Variants in POC1B observed in about 807,000 individuals in gnomAD.
POC1B encodes the protein POC1 centriolar protein B.
Under a neutral mutation model 60.6 loss-of-function variants are expected in POC1B, and 44 were observed. That is an observed-to-expected ratio of 0.73 (90% confidence interval 0.57 to 0.93). The LOEUF (loss-of-function observed/expected upper bound fraction) is 0.93. Among genes scored for constraint, POC1B ranks in the 40% least tolerant of loss-of-function variants. The pLI is 0.00. For synonymous variants in POC1B, 180 were observed against 198.9 expected, an observed-to-expected ratio of 0.90 and a Z score of 0.80; for missense variants, 555 against 572.3, an observed-to-expected ratio of 0.97 and a Z score of 0.31.
intron 4 of POC1B, chr12:89,485,258 T>C (rs997344675): frequency 2.0e-5 from 3 of 152,214 alleles, no homozygotes; most frequent in Non-Finnish European, 4.4e-5. Flanking sequence ...CATGGGAAGA[T>C]GCACAAAACA....
Position 89,480,814 on chromosome 12 carries a change from A to G in POC1B, c.453-8539T>C, listed in dbSNP as rs1375536830. Among the ~76,000 whole-genome samples, 5 of 152,068 alleles carry G rather than the reference A, an allele frequency of 3.3e-5. No homozygotes were observed. The East Asian group carries it at 5.8e-4, about 18-fold the overall frequency. The stretch of plus-strand genomic sequence containing the variant: ...ATGGAGTTTCACCATGTTAGCCAGG[A>G]TGGTCTCGATCTCCTGACCTTGTGA... On this transcript the variant is annotated intron_variant, in intron 4 of 11. Transcript: ENST00000313546.
intron 10 of POC1B, among the ~76,000 whole-genome samples, chr12:89,434,406 A>G: frequency 6.6e-6 from 1 of 152,336 alleles, no homozygotes. Context: ...TTTAATCTTT[A>G]TTATAATCTC....
chr12:89,500,147 C>T (rs147013416), intron 2 of POC1B: 7 of 1,572,380 alleles, frequency 4.5e-6, no homozygotes, highest in African/African-American at 1.3e-5. Context: ...AAGATTTTGT[C>T]AACCTTCCAG....
At chr12:89,502,083 A>T (rs140157777) in intron 2 of POC1B, 626 of 1,072,820 alleles carry the variant, frequency 5.8e-4, no homozygotes, top group Non-Finnish European at 8.4e-4. Context: ...AGACCAGTGG[A>T]TATACATGTA....
intron 10 of POC1B, among the ~76,000 whole-genome samples, chr12:89,442,317 G>GT (rs1284559026): frequency 6.6e-6 from 1 of 152,158 alleles, no homozygotes; most frequent in Non-Finnish European, 1.5e-5. Context: ...ATTCACCAAA[G>GT]TTGAAATGAA....
the POC1B span, among the ~76,000 whole-genome samples, chr12:89,404,802 A>C: frequency 6.6e-6 from 1 of 152,204 alleles, no homozygotes; most frequent in African/African-American, 2.4e-5. Flanking sequence ...CCAGGAACCC[A>C]CAAGAAACTA....
chr12:89,423,712 G>A (rs905825901), intron 11 of POC1B, among the ~76,000 whole-genome samples: 10 of 152,250 alleles, frequency 6.6e-5, no homozygotes, highest in African/African-American at 1.9e-4. Flanking sequence ...AGTGTGTTGT[G>A]CCTGCTTCTA....
At chr12:89,486,948 C>A (rs1333382483) in intron 4 of POC1B, among the ~76,000 whole-genome samples, 1 of 152,108 alleles carries the variant, frequency 6.6e-6, no homozygotes, top group Non-Finnish European at 1.5e-5. Context: ...CACATACACA[C>A]ACTCTCTATA....
chr12:89,471,659 TCA>T lies in POC1B; in HGVS notation c.629_630del (p.Val210GlufsTer22). 3 of 1,611,902 alleles carry T rather than the reference TCA, an allele frequency of 1.9e-6. No homozygotes were observed. The highest frequency in any genetic ancestry group is 2.5e-6 in the Non-Finnish European group (3 of 1,179,000). On this transcript the variant is annotated frameshift_variant, in exon 6 of 12. Transcript: ENST00000313546. LOFTEE classifies it high-confidence loss of function. ...CIASAGSDQT[V>X]KVWDVRVNKL... ...TTGTTCACTCTTACATCCCAGACTT[TCA>T]CAGTTTGATCAGAACCTGCTGAAGC...
At chr12:89,456,585 A>G (rs1301912935) in intron 10 of POC1B, among the ~76,000 whole-genome samples, 2 of 152,234 alleles carry the variant, frequency 1.3e-5, no homozygotes, top group Non-Finnish European at 1.5e-5. Flanking sequence ...AGAGTAAGGA[A>G]TTTGAGAACA....
downstream of POC1B, among the ~76,000 whole-genome samples, chr12:89,418,161 A>G (rs188263062): frequency 1.6e-4 from 25 of 152,286 alleles, no homozygotes; most frequent in Non-Finnish European, 7.4e-5. Flanking sequence ...GCACTTCTGA[A>G]CAGGTACCAG....
intron 10 of POC1B, among the ~76,000 whole-genome samples, chr12:89,437,789 T>C (rs1173335287): frequency 6.6e-6 from 1 of 152,184 alleles, no homozygotes; most frequent in East Asian, 1.9e-4. Flanking sequence ...GGCTCACGCC[T>C]GTAACCCCAG....
At chr12:89,519,086 T>G (rs1028516069) in intron 2 of POC1B, among the ~76,000 whole-genome samples, 1 of 152,152 alleles carries the variant, frequency 6.6e-6, no homozygotes, top group African/African-American at 2.4e-5. Context: ...CAGACATTTT[T>G]GTTTTCCACC....
Position 89,466,925 on chromosome 12 carries a change from A to T in POC1B, c.880-3T>A. On this transcript the variant is annotated splice_region_variant and splice_polypyrimidine_tract_variant and intron_variant, in intron 8 of 11. Coordinates refer to ENST00000313546, the MANE Select transcript of POC1B (RefSeq NM_172240.3). Reference sequence around the variant, plus strand: ...AAGTTAGTCCTCCATAATAAGACCTATGAAAAAAGTCAATGATGTTGGCAG... The same window carrying T: ...AAGTTAGTCCTCCATAATAAGACCTTTGAAAAAAGTCAATGATGTTGGCAG... 6.2e-7 allele frequency: 1 copy of T among 1,605,404 alleles called. No individual in the cohort carries two copies. The highest frequency in any genetic ancestry group is 8.5e-7 in the Non-Finnish European group (1 of 1,175,340).
chr12:89,446,600 C>G (rs1243412930), intron 10 of POC1B, among the ~76,000 whole-genome samples: 1 of 151,628 alleles, frequency 6.6e-6, no homozygotes, highest in Non-Finnish European at 1.5e-5. Context: ...TGGGGCTTGT[C>G]GTGGGATGGG....
chr12:89,493,494 T>C (rs1299218196), intron 3 of POC1B, among the ~76,000 whole-genome samples: 2 of 152,150 alleles, frequency 1.3e-5, no homozygotes, highest in Non-Finnish European at 2.9e-5. Context: ...TTCCATCACC[T>C]GACATATGAT....
At chr12:89,476,104 G>A (rs965892065) in intron 4 of POC1B, among the ~76,000 whole-genome samples, 1 of 151,488 alleles carries the variant, frequency 6.6e-6, no homozygotes, top group South Asian at 2.1e-4. Context: ...ACAGGGTTTC[G>A]CCATGTTGCC....
chr12:89,524,147 G>A (rs755838705), intron 2 of POC1B: 2 of 1,614,002 alleles, frequency 1.2e-6, no homozygotes, highest in Non-Finnish European at 1.7e-6. Context: ...GAGGTGGTAG[G>A]AAGTGTCCTA....
At chr12:89,506,668 G>A (rs934192332) in intron 2 of POC1B, among the ~76,000 whole-genome samples, 4 of 152,124 alleles carry the variant, frequency 2.6e-5, no homozygotes, top group South Asian at 4.1e-4. Flanking sequence ...AGTGCAAAAC[G>A]TAAATGTGAA....
Sources: allele counts gnomAD v4.1 joint callset (sites outside exome capture counted in the v4.1 genomes callset), GRCh38; gene constraint gnomAD v4.1.1; transcripts MANE v1.5; gene names NCBI Gene and HGNC (gene_info 2026-07-23, HGNC 2026-07-21).